The following ACP2 variants were observed in gnomAD, a reference collection of about 807,000 sequenced individuals.
ACP2 encodes the protein acid phosphatase 2, lysosomal.
Under a neutral mutation model 54.7 loss-of-function variants are expected in ACP2, and 35 were observed. That is an observed-to-expected ratio of 0.64 (90% CI 0.49 to 0.85). ACP2 has a LOEUF of 0.85. ACP2 is among the 40% of genes least tolerant of loss of function. The pLI is 0.00. For missense variants in ACP2, 492 were observed against 565.0 expected (o/e 0.87, Z 1.31); for synonymous variants, 210 against 224.4 (o/e 0.94, Z 0.57).
Position 47,240,173 on chromosome 11 carries a change from C to T in ACP2, c.1215G>A (p.Arg405=). The T allele has an allele frequency of 6.2e-7, 1 of 1,614,140 alleles. No homozygotes were observed. The highest frequency in any genetic ancestry group is 8.5e-7 in the Non-Finnish European group (1 of 1,180,014). Residue 405 remains arginine, a synonymous_variant, in exon 11 of 11, where the codon CGG becomes CGA. Transcript: ENST00000672073. ...GGTAGCCAGGAGGCTGGGCCTGCAT[C>T]CGGAAGAGGACGGTGAGGAGCAGCA... is the stretch of plus-strand genomic sequence containing the variant. ...LIVLLLTVLF[R]MQAQPPGYRH... is the part of the protein sequence containing the mutation.
intron 10 of ACP2, among the ~76,000 whole-genome samples, 184 bp from the exon 11 acceptor site, chr11:47,240,433 T>A (rs1382574213): frequency 6.6e-6 from 1 of 152,210 alleles, no homozygotes; most frequent in Non-Finnish European, 1.5e-5. Context: ...CTCACGCCTA[T>A]AATCCCAACA....
chr11:47,242,638 G>A, intron 10 of ACP2, 85 bp downstream of exon 10: 1 of 1,506,060 alleles, frequency 6.6e-7, no homozygotes, highest in South Asian at 1.2e-5. Context: ...CAAATGGCTG[G>A]AAGTGCGACA....
At chr11:47,242,989 C>T in intron 9 of ACP2, 29 bp downstream of exon 9, 1 of 1,613,886 alleles carries the variant, frequency 6.2e-7, no homozygotes, top group Non-Finnish European at 8.5e-7. Flanking sequence ...GAGGGCCCCC[C>T]TCCAGAGGAC....
chr11:47,242,883 C>A lies in ACP2; in HGVS notation c.978G>T (p.Glu326Asp). Residue 326 changes from glutamate (E) to aspartate (D), a missense_variant, in exon 10 of 11, where the codon GAG becomes GAT. Glu to Asp is a conservative substitution (Grantham distance 45). Coordinates refer to ENST00000672073, the MANE Select transcript of ACP2 (RefSeq NM_001610.4). ...TGTCACTCTCGTTCCGAAAGTACATCTCCACTGAGAAATTCCTGAGGGTCG... is the reference window on the plus strand; with the variant it reads ...TGTCACTCTCGTTCCGAAAGTACATATCCACTGAGAAATTCCTGAGGGTCG... ...YQEDSGNFSV[E>D]MYFRNESDKA... 6.2e-7 allele frequency: 1 copy of A among 1,612,826 alleles called. No individual in the cohort carries two copies. The highest frequency in any genetic ancestry group is 8.5e-7 in the Non-Finnish European group (1 of 1,178,930).
chr11:47,240,820 C>CA (rs779893887), intron 10 of ACP2, among the ~76,000 whole-genome samples: 13,108 of 92,528 alleles, frequency 0.14, 686 homozygotes, highest in Admixed American at 0.2. Context: ...GACACCGTCT[C>CA]AAAAAAAAAA....
rs761469754 is a variant in ACP2, at chr11:47,242,733, A to G, written c.1128T>C (p.Pro376=). The G allele has an allele frequency of 3.8e-5, 61 of 1,613,384 alleles. No homozygotes were observed. Among genetic ancestry groups the G allele is most frequent in the Non-Finnish European group, 5.1e-5 (60 of 1,179,584 alleles). The change falls in exon 10 of 11, where the codon CCT becomes CCC. Residue 376 remains proline, a synonymous_variant. Coordinates refer to ENST00000672073, the MANE Select transcript of ACP2 (RefSeq NM_001610.4). The part of the protein sequence containing the change: ...WQQECQLASG[P]ADTEVIVALA... The stretch of plus-strand genomic sequence containing the variant: ...CCGGTGACAGCTCACCTGTGTCTGC[A>G]GGACCGCTTGCCAGCTGGCACTCCT...
At chr11:47,247,082 AGCAG>A (rs1321227192) in intron 3 of ACP2, among the ~76,000 whole-genome samples, 6 of 152,086 alleles carry the variant, frequency 3.9e-5, no homozygotes, top group African/African-American at 1.4e-4. Context: ...AGACTCAAGG[AGCAG>A]GCACACTCAC....
Position 47,244,857 on chromosome 11 carries a change from C to CCGTGCGTTTGCTGTGTAT in ACP2, c.640-8_649dup (p.His216_Gly217insAspThrGlnGlnThrHis). 1 of 1,607,794 alleles carries CCGTGCGTTTGCTGTGTAT rather than the reference C, an allele frequency of 6.2e-7. No individual in the cohort carries two copies. The highest frequency in any genetic ancestry group is 8.5e-7 in the Non-Finnish European group (1 of 1,175,794). On this transcript the variant is annotated inframe_insertion, in exon 7 of 11. Coordinates refer to ENST00000672073, the MANE Select transcript of ACP2 (RefSeq NM_001610.4). ...TGAGGCCCAGGGCGGCAGGCGCAGC[C>CCGTGCGTTTGCTGTGTAT]CGTGCGTTTGCTGTGTATCGCAGCA...
chr11:47,245,084 C>T, intron 6 of ACP2: 1 of 957,424 alleles, frequency 1.0e-6, no homozygotes, highest in Non-Finnish European at 1.6e-6. Context: ...CAGAAAGGAG[C>T]TCTGGGTGGA....
In ACP2 at chr11:47,240,142, C is replaced by T. The variant is rs755034798; in HGVS notation, c.1246G>A (p.Val416Ile). 49 of 1,613,804 alleles carry T rather than the reference C, an allele frequency of 3.0e-5. No individual in the cohort carries two copies. The highest frequency in any genetic ancestry group is 1.7e-4 in the Middle Eastern group (1 of 6,004). ...MQAQPPGYRH[V>I]ADGEDHA ...CAGGCGTGGTCCTCCCCATCTGCGACGTGGCGGTAGCCAGGAGGCTGGGCC... is the reference window on the plus strand; with the variant it reads ...CAGGCGTGGTCCTCCCCATCTGCGATGTGGCGGTAGCCAGGAGGCTGGGCC... The change falls in exon 11 of 11, where the codon GTC (valine) becomes ATC (isoleucine). Residue 416 changes from valine to isoleucine, a missense_variant. By Grantham distance (29) the Val-to-Ile change is conservative (BLOSUM62 3). Transcript: ENST00000672073.
chr11:47,240,119 GGC>G lies in ACP2; in HGVS notation c.1267_1268del (p.Ala423LeufsTer40), dbSNP rs778658357. The part of the protein sequence containing the change: ...YRHVADGEDH[A>X] ...AGGGAAGGGGGCTGAGTGGTTGTCA[GGC>G]GTGGTCCTCCCCATCTGCGACGTGG... On this transcript the variant is annotated frameshift_variant, in exon 11 of 11. Coordinates refer to ENST00000672073, the MANE Select transcript of ACP2 (RefSeq NM_001610.4). LOFTEE classifies it high-confidence loss of function. 1 of 1,613,182 alleles carries G rather than the reference GGC, an allele frequency of 6.2e-7. No individual in the cohort carries two copies. Among genetic ancestry groups the G allele is most frequent in the African/African-American group, 1.3e-5 (1 of 74,936 alleles).
At position 47,243,974 on chromosome 11, in the gene ACP2, T is replaced by C. The variant is rs143094051; in HGVS notation, c.773-653A>G. ...CAACATAGTGAAACCCCATCTCTAC[T>C]AAAAATATAAAAATTAGTTGGGCGT... On this transcript the variant is annotated intron_variant, in intron 7 of 10. Coordinates refer to ENST00000672073, the MANE Select transcript of ACP2 (RefSeq NM_001610.4). Among the ~76,000 whole-genome samples the C allele has an allele frequency of 2.9e-4, 44 of 151,778 alleles. 1 individual carries two copies. The East Asian group carries it at 7.9e-3, about 27-fold the overall frequency.
At chr11:47,247,524 G>A (rs1954208136) in intron 3 of ACP2, 117 bp downstream of exon 3, 13 of 1,189,730 alleles carry the variant, frequency 1.1e-5, no homozygotes, top group Non-Finnish European at 1.6e-5. Flanking sequence ...TCCTGTAGTT[G>A]TGACCAAAAA....
chr11:47,247,608 T>C (rs4752973), intron 3 of ACP2, 33 bp downstream of exon 3: 382,592 of 1,612,838 alleles, frequency 0.24, 55,410 homozygotes, highest in East Asian at 0.69. Flanking sequence ...CAGCATACCT[T>C]GTTCCCCTTG....
intron 6 of ACP2, 94 bp downstream of exon 6, chr11:47,245,211 G>A (rs11039146): frequency 0.04 from 54,013 of 1,345,378 alleles, 1,494 homozygotes; most frequent in South Asian, 0.11. Context: ...CCCCAGGGGC[G>A]TGACGGTATC....
At position 47,243,013 on chromosome 11, in the gene ACP2, C is replaced by T; in HGVS notation, c.962+5G>A. On this transcript the variant is annotated splice_donor_5th_base_variant and intron_variant, in intron 9 of 10. Coordinates refer to ENST00000672073, the MANE Select transcript of ACP2 (RefSeq NM_001610.4). ...CCTCCAGAGGACACTGCTAGCTCCA[C>T]TCACCCAGAATCTTCCTGGTACAGT... is the stretch of plus-strand genomic sequence containing the variant. 1 of 1,614,188 alleles carries T rather than the reference C, an allele frequency of 6.2e-7. No homozygotes were observed. Among genetic ancestry groups the T allele is most frequent in the Admixed American group, 1.7e-5 (1 of 60,028 alleles).
intron 3 of ACP2, among the ~76,000 whole-genome samples, chr11:47,246,534 G>C (rs1483954416): frequency 2.0e-5 from 3 of 151,976 alleles, no homozygotes; most frequent in Non-Finnish European, 4.4e-5. Flanking sequence ...TATGACTGAG[G>C]CATGTGCTAC....
Position 47,248,804 on chromosome 11 carries a change from A to G in ACP2, c.-15T>C. 1 of 1,578,570 alleles carries G rather than the reference A, an allele frequency of 6.3e-7. No individual in the cohort carries two copies. The highest frequency in any genetic ancestry group is 8.6e-7 in the Non-Finnish European group (1 of 1,161,512). On this transcript the variant is annotated 5_prime_UTR_variant, in exon 1 of 11. Coordinates refer to ENST00000672073, the MANE Select transcript of ACP2 (RefSeq NM_001610.4). ...TTGCCCGCCATCACCGTTGTAATCTATGCAGCAAACAAGCTGGAACCCGCT... is the reference window on the plus strand; with the variant it reads ...TTGCCCGCCATCACCGTTGTAATCTGTGCAGCAAACAAGCTGGAACCCGCT...
intron 10 of ACP2, among the ~76,000 whole-genome samples, chr11:47,242,092 AGT>A (rs1348799665): frequency 6.6e-6 from 1 of 152,210 alleles, no homozygotes; most frequent in Non-Finnish European, 1.5e-5. Context: ...AAGCCAAGAA[AGT>A]GTTTCAGGAA....
Sources: gnomAD v4.1 joint callset for allele counts (sites outside exome capture counted in the v4.1 genomes callset) on GRCh38, gnomAD v4.1.1 for gene constraint, MANE v1.5 for transcripts, NCBI Gene and HGNC (gene_info 2026-07-23, HGNC 2026-07-21) for gene names.